The following ANK2 variants were observed in gnomAD, a reference collection of about 807,000 sequenced individuals.
ANK2 encodes the protein ankyrin 2.
ANK2 carries 83 observed loss-of-function variants against 360.5 expected under a neutral mutation model. The observed-to-expected ratio is 0.23, with a 90% confidence interval of 0.19 to 0.28. The LOEUF (loss-of-function observed/expected upper bound fraction) is 0.28, where lower values mean the gene tolerates loss of function less well. ANK2 is among the 10% of genes least tolerant of loss of function. The pLI, the probability that ANK2 is intolerant of heterozygous loss-of-function variation, is 1.00. For missense variants in ANK2, 4,201 were observed against 4,795.7 expected, an observed-to-expected ratio of 0.88 and a Z score of 3.66; for synonymous variants, 1,740 against 1,759.5, an observed-to-expected ratio of 0.99 and a Z score of 0.28.
chr4:113,336,135 T>TA (rs2093497158), intron 30 of ANK2, 78 bp downstream of exon 30: 2 of 1,448,694 alleles, frequency 1.4e-6, no homozygotes, highest in Admixed American at 3.6e-5. Flanking sequence ...CAAGGACTGT[T>TA]ACCTTTGTTT....
At position 113,315,714 on chromosome 4, in the gene ANK2, C is replaced by A. The variant is rs373212685; in HGVS notation, c.2694-1993C>A. Among the ~76,000 whole-genome samples the A allele has an allele frequency of 3.9e-5, 6 of 151,914 alleles. No individual in the cohort carries two copies. The South Asian group carries it at 1.0e-3, about 26-fold the overall frequency. ...GAGATCGAGACCATCCTGGCTAACA[C>A]GGTGAAACCCTGTCTCTACTAAAAA... On this transcript the variant is annotated intron_variant, in intron 24 of 45. Coordinates refer to ENST00000357077, the MANE Select transcript of ANK2 (RefSeq NM_001148.6).
chr4:113,024,285 T>C (rs149548417), intron 2 of ANK2, among the ~76,000 whole-genome samples: 2 of 152,276 alleles, frequency 1.3e-5, no homozygotes, highest in East Asian at 3.9e-4. Flanking sequence ...CTCTTAAAGA[T>C]TACTAGTATA....
intron 35 of ANK2, among the ~76,000 whole-genome samples, chr4:113,347,602 G>A (rs960762487): frequency 6.6e-6 from 1 of 152,060 alleles, no homozygotes; most frequent in Non-Finnish European, 1.5e-5. Context: ...TGATAGTCCA[G>A]TACAATTTTC....
the ANK2 span, among the ~76,000 whole-genome samples, chr4:112,708,563 C>G: frequency 1.2e-4 from 18 of 152,150 alleles, no homozygotes; most frequent in Admixed American, 5.9e-4. Flanking sequence ...TTCATTTATT[C>G]AACAGACATT....
intron 23 of ANK2, 131 bp from the exon 24 acceptor site, chr4:113,311,124 T>A (rs2079733348): frequency 9.1e-7 from 1 of 1,104,170 alleles, no homozygotes; most frequent in African/African-American, 1.5e-5. Flanking sequence ...TGGTGTTCTG[T>A]GTTCTAGTGT....
intron 2 of ANK2, among the ~76,000 whole-genome samples, chr4:113,184,871 C>A (rs1226174052): frequency 1.3e-5 from 2 of 152,038 alleles, no homozygotes; most frequent in Non-Finnish European, 2.9e-5. Context: ...CTCCCACTCC[C>A]CAACAGGCCC....
intron 15 of ANK2, 40 bp from the exon 16 acceptor site, chr4:113,277,797 A>G: frequency 6.6e-7 from 1 of 1,517,212 alleles, no homozygotes; most frequent in Non-Finnish European, 9.2e-7. Context: ...AGGAGTTACA[A>G]CAATAAATAC....
intron 2 of ANK2, among the ~76,000 whole-genome samples, chr4:113,013,737 AT>A (rs1043722836): frequency 6.6e-6 from 1 of 152,106 alleles, no homozygotes; most frequent in Non-Finnish European, 1.5e-5. Context: ...GGTTTTGAAC[AT>A]TTTTTTTCCC....
intron 1 of ANK2, among the ~76,000 whole-genome samples, chr4:112,821,162 G>T (rs972038197): frequency 3.9e-5 from 6 of 152,012 alleles, no homozygotes; most frequent in Middle Eastern, 3.4e-3. Context: ...TGATCCGCCC[G>T]CCTCGGTCTC....
At chr4:113,261,258 G>A (rs2052742971) in intron 13 of ANK2, among the ~76,000 whole-genome samples, 1 of 152,052 alleles carries the variant, frequency 6.6e-6, no homozygotes, top group African/African-American at 2.4e-5. Flanking sequence ...ATGCCGAACT[G>A]CCAATTACAA....
At chr4:113,159,141 G>A (rs2097414219) in intron 1 of ANK2, among the ~76,000 whole-genome samples, 1 of 149,498 alleles carries the variant, frequency 6.7e-6, no homozygotes, top group Non-Finnish European at 1.5e-5. Flanking sequence ...TTGAAATTTT[G>A]TTCTGGAAGT....
At chr4:113,202,839 C>T (rs2098851861) in intron 4 of ANK2, among the ~76,000 whole-genome samples, 2 of 152,186 alleles carry the variant, frequency 1.3e-5, no homozygotes, top group South Asian at 4.1e-4. Context: ...GCTGGATCAA[C>T]TTCAGTACTT....
rs1237879583 is a variant in ANK2 at position 113,357,286 on chromosome 4, T to C, written c.8668T>C (p.Cys2890Arg). 1 of 1,614,118 alleles carries C rather than the reference T, an allele frequency of 6.2e-7. No homozygotes were observed. The highest frequency in any genetic ancestry group is 8.5e-7 in the Non-Finnish European group (1 of 1,180,004). ...AACATTTGAGAACTTACCAAAGGAC[T>C]GCCCCTCTCAAGACTCATCCATTAC... ...DETFENLPKD[C>R]PSQDSSITTQ... The change falls in exon 38 of 46, where the codon TGC (cysteine) becomes CGC (arginine). Residue 2890 changes from cysteine (C) to arginine (R), a missense_variant. Around this residue, in one of 4 missense-constraint regions of ANK2, gnomAD observed 2,642 missense variants for 2,714.5 expected, o/e 0.97. Coordinates refer to ENST00000357077, the MANE Select transcript of ANK2 (RefSeq NM_001148.6).
At chr4:113,134,279 G>GT (rs2096255964) in intron 1 of ANK2, among the ~76,000 whole-genome samples, 1 of 107,952 alleles carries the variant, frequency 9.3e-6, no homozygotes, top group Admixed American at 1.1e-4. Flanking sequence ...CCTGAAAGTT[G>GT]TCTTTTTTTT....
At chr4:112,966,959 G>C (rs1015938080) in intron 2 of ANK2, among the ~76,000 whole-genome samples, 1 of 152,156 alleles carries the variant, frequency 6.6e-6, no homozygotes, top group Non-Finnish European at 1.5e-5. Flanking sequence ...AGCATGTCAA[G>C]CAAATTGCTG....
intron 1 of ANK2, among the ~76,000 whole-genome samples, chr4:112,836,241 C>T (rs2060957210): frequency 6.6e-6 from 1 of 152,160 alleles, no homozygotes; most frequent in East Asian, 1.9e-4. Flanking sequence ...CGCTCTCTCT[C>T]CCTCCTGCCA....
At chr4:112,988,383 T>G (rs891449520) in intron 2 of ANK2, among the ~76,000 whole-genome samples, 1 of 152,212 alleles carries the variant, frequency 6.6e-6, no homozygotes, top group African/African-American at 2.4e-5. Flanking sequence ...GCTTACTTCT[T>G]ACTTAAGTGG....
intron 1 of ANK2, among the ~76,000 whole-genome samples, chr4:113,075,732 T>C (rs1332163842): frequency 6.6e-6 from 1 of 152,208 alleles, no homozygotes; most frequent in African/African-American, 2.4e-5. Context: ...ATTTTATGGA[T>C]GGGTATTTTC....
At chr4:113,302,639 G>A (rs935440012) in intron 22 of ANK2, 128 bp from the exon 23 acceptor site, 11 of 744,252 alleles carry the variant, frequency 1.5e-5, no homozygotes, top group African/African-American at 8.7e-5. Flanking sequence ...ATATACACGC[G>A]GGAAAGATCC....
Sources: allele counts gnomAD v4.1 joint callset (sites outside exome capture counted in the v4.1 genomes callset), GRCh38; gene constraint gnomAD v4.1.1; regional missense constraint gnomAD v4.1.1; transcripts MANE v1.5; gene names NCBI Gene and HGNC (gene_info 2026-07-23, HGNC 2026-07-21).